The following TRIP13 variants were observed in gnomAD, a reference collection of about 807,000 sequenced individuals.
The protein encoded by TRIP13 is pachytene checkpoint protein 2 homolog.
TRIP13 carries 25 observed loss-of-function variants against 54.4 expected under a neutral mutation model. That is an observed-to-expected ratio of 0.46 (90% CI 0.33 to 0.64). The LOEUF (loss-of-function observed/expected upper bound fraction) is 0.64. Among genes scored for constraint, TRIP13 ranks in the 30% least tolerant of loss-of-function variants. The pLI is 0.02. For missense variants in TRIP13, 373 were observed against 534.2 expected (o/e 0.70, Z 2.97); for synonymous variants, 207 against 207.8 (o/e 1.00, Z 0.03).
rs765536083 is a variant in TRIP13, at chr5:911,814, C to T, written c.867-29C>T. 41 of 1,598,664 alleles carry T rather than the reference C, an allele frequency of 2.6e-5. No individual in the cohort carries two copies. In the Middle Eastern group the frequency reaches 1.0e-3, roughly 39 times the overall value. The stretch of plus-strand genomic sequence containing the variant: ...ATTGGGTCACCGACAGCCGTGATGA[C>T]TGTGGTGCTTGCTTCTCGGCCACAA... On this transcript the variant is annotated intron_variant, in intron 9 of 12. Transcript: ENST00000166345. This position sits in a 1 kb window ranked among gnomAD's most constrained non-coding sequence, Gnocchi z 4.7.
In TRIP13 at chr5:892,910, G is replaced by A. The variant is rs1245922401; in HGVS notation, c.-89G>A. The A allele has an allele frequency of 2.4e-6, 3 of 1,275,398 alleles. No homozygotes were observed. The Admixed American group carries it at 1.0e-4, about 45-fold the overall frequency. The allele number at this position is 1,275,398 out of a possible 1,614,324, so 79.0% of individuals were successfully genotyped here. On this transcript the variant is annotated 5_prime_UTR_variant, in exon 1 of 13. Coordinates refer to ENST00000166345, the MANE Select transcript of TRIP13 (RefSeq NM_004237.4). ...GATTCGAAGCTAGGGCGGGGCCCGCGGGCTGAGGCAGCGGCTGTGGCGGCG... is the reference window on the plus strand; with the variant it reads ...GATTCGAAGCTAGGGCGGGGCCCGCAGGCTGAGGCAGCGGCTGTGGCGGCG...
At position 912,227 on chromosome 5, in the gene TRIP13, C is replaced by T. The variant is rs1754250392; in HGVS notation, c.1020+231C>T. Among the ~76,000 whole-genome samples, 1 of 151,998 alleles carries T rather than the reference C, an allele frequency of 6.6e-6. No individual in the cohort carries two copies. The highest frequency in any genetic ancestry group is 2.4e-5 in the African/African-American group (1 of 41,378). ...TTGGCACAATACAGTCATCATTGTTCATTATTTGAGGTACCAGTCAGTGTA... is the reference window on the plus strand; with the variant it reads ...TTGGCACAATACAGTCATCATTGTTTATTATTTGAGGTACCAGTCAGTGTA... On this transcript the variant is annotated intron_variant, in intron 10 of 12. Transcript: ENST00000166345. The surrounding 1 kb of genome is among the most constrained non-coding windows in gnomAD (Gnocchi z 7.2).
chr5:905,986 C>T (rs1353913769), intron 6 of TRIP13, among the ~76,000 whole-genome samples: 2 of 152,188 alleles, frequency 1.3e-5, no homozygotes, highest in African/African-American at 4.8e-5. Flanking sequence ...GAGGCTGAGG[C>T]AGGTGGATCA....
intron 4 of TRIP13, 70 bp downstream of exon 4, chr5:900,619 A>G (rs1216638821): frequency 1.3e-6 from 2 of 1,556,338 alleles, no homozygotes; most frequent in Non-Finnish European, 1.7e-6. Flanking sequence ...TTGCTCTCCA[A>G]CACCCCTGAG....
rs1372022097 is a variant in TRIP13, at chr5:893,418, G to A, written c.92+328G>A. Among the ~76,000 whole-genome samples the A allele has an allele frequency of 2.6e-5, 4 of 152,336 alleles. No homozygotes were observed. The South Asian group carries it at 6.2e-4, about 24-fold the overall frequency. On this transcript the variant is annotated intron_variant, in intron 1 of 12. Coordinates refer to ENST00000166345, the MANE Select transcript of TRIP13 (RefSeq NM_004237.4). Reference sequence around the variant, plus strand: ...GGCTGTCCTCCAGTGCATTGATGTGGCCCTGAGTCCCACGTTGGAGAATAG... The same window carrying A: ...GGCTGTCCTCCAGTGCATTGATGTGACCCTGAGTCCCACGTTGGAGAATAG...
chr5:908,077 A>G lies in TRIP13; in HGVS notation c.759+3A>G. 6.2e-7 allele frequency: 1 copy of G among 1,614,084 alleles called. No homozygotes were observed. Among genetic ancestry groups the G allele is most frequent in the Non-Finnish European group, 8.5e-7 (1 of 1,179,912 alleles). On this transcript the variant is annotated splice_donor_region_variant and intron_variant, in intron 8 of 12. Transcript: ENST00000166345. This position sits in a 1 kb window ranked among gnomAD's most constrained non-coding sequence, Gnocchi z 5.2. ...TGGTGTTCGTGCTGATTGATGAGGT[A>G]GGCATTTCCAGATAAGGAAATTCAT...
At chr5:903,168 C>T (rs1436139738) in intron 5 of TRIP13, among the ~76,000 whole-genome samples, 1 of 152,028 alleles carries the variant, frequency 6.6e-6, no homozygotes, top group Admixed American at 6.5e-5. Flanking sequence ...TCCCGGTCTG[C>T]TAAGTAGCAG....
At chr5:893,280 C>G (rs563640625) in intron 1 of TRIP13, among the ~76,000 whole-genome samples, 190 bp downstream of exon 1, 1 of 152,094 alleles carries the variant, frequency 6.6e-6, no homozygotes, top group Non-Finnish European at 1.5e-5. Flanking sequence ...CGCGACCCCA[C>G]CGCAGGGCAC....
chr5:912,776 G>T lies in TRIP13; in HGVS notation c.1020+780G>T, dbSNP rs185288730. On this transcript the variant is annotated intron_variant, in intron 10 of 12. Coordinates refer to ENST00000166345, the MANE Select transcript of TRIP13 (RefSeq NM_004237.4). The surrounding 1 kb of genome is among the most constrained non-coding windows in gnomAD (Gnocchi z 7.2). ...GTGTGAGTCAGGCTAGCAGGGACCT[G>T]CCCCATGCTTGTGTTTCTGCTGCTC... Among the ~76,000 whole-genome samples, 284 of 152,348 alleles carry T rather than the reference G, an allele frequency of 1.9e-3. 2 individuals are homozygous for T. Among genetic ancestry groups the T allele is most frequent in the African/African-American group, 6.6e-3 (275 of 41,584 alleles).
chr5:910,293 T>C (rs968533279), intron 9 of TRIP13, among the ~76,000 whole-genome samples: 2 of 152,338 alleles, frequency 1.3e-5, no homozygotes, highest in Admixed American at 1.3e-4. Flanking sequence ...TCCATTCTCC[T>C]GTCTCCCCGG....
chr5:903,054 G>C (rs1754029005), intron 5 of TRIP13, among the ~76,000 whole-genome samples: 1 of 152,190 alleles, frequency 6.6e-6, no homozygotes, highest in Non-Finnish European at 1.5e-5. Flanking sequence ...AGGGAGACAG[G>C]CCTCTGGATG....
intron 6 of TRIP13, among the ~76,000 whole-genome samples, chr5:906,825 T>C (rs1016391448): frequency 1.3e-5 from 2 of 152,170 alleles, no homozygotes; most frequent in Admixed American, 1.3e-4. Context: ...TTTGTTTTGT[T>C]TTCTGTCTTA....
In TRIP13 at chr5:908,603, T is replaced by TTTGGAG; in HGVS notation, c.866+143_866+144insTGGAGT. 6.8e-7 allele frequency: 1 copy of TTTGGAG among 1,480,610 alleles called. No individual in the cohort carries two copies. The highest frequency in any genetic ancestry group is 9.0e-7 in the Non-Finnish European group (1 of 1,114,432). The allele number at this position is 1,480,610 out of a possible 1,614,324, so 91.7% of individuals were successfully genotyped here. On this transcript the variant is annotated intron_variant, in intron 9 of 12. Transcript: ENST00000166345. The surrounding 1 kb of genome is among the most constrained non-coding windows in gnomAD (Gnocchi z 5.2). ...ATTTGGCATTGAGTATCGACTCCTT[T>TTTGGAG]TCCACATTGGAAGCAGCATATCACA...
rs771114299 is a variant in TRIP13, at chr5:914,510, C to T, written c.1066C>T (p.Leu356=). Residue 356 remains leucine (L), a synonymous_variant, in exon 11 of 13, where the codon CTA becomes TTA. Transcript: ENST00000166345. The stretch of plus-strand genomic sequence containing the variant: ...CCAGCAGCTGCTGACCCTCCGAGAG[C>T]TAGAGATGATTGGCTTCATTGAAAA... ...PRQQLLTLRE[L]EMIGFIENNV... 1 of 1,613,578 alleles carries T rather than the reference C, an allele frequency of 6.2e-7. No individual in the cohort carries two copies. The highest frequency in any genetic ancestry group is 8.5e-7 in the Non-Finnish European group (1 of 1,179,968).
At position 917,717 on chromosome 5, in the gene TRIP13, A is replaced by C. The variant is rs1754367244; in HGVS notation, c.*614A>C. The C allele has an allele frequency of 1.3e-5, 2 of 152,268 alleles. No homozygotes were observed. Among genetic ancestry groups the C allele is most frequent in the South Asian group, 4.1e-4 (2 of 4,838 alleles). The allele number at this position is 152,268 out of a possible 1,614,324, so 9.4% of individuals were successfully genotyped here. ...AATAATCAGACATGGTCCCATTTGCAGGAAAAGTGCAGACTCTGAGTGTTC... is the reference window on the plus strand; with the variant it reads ...AATAATCAGACATGGTCCCATTTGCCGGAAAAGTGCAGACTCTGAGTGTTC... On this transcript the variant is annotated 3_prime_UTR_variant, in exon 13 of 13. Coordinates refer to ENST00000166345, the MANE Select transcript of TRIP13 (RefSeq NM_004237.4).
chr5:911,882 C>G lies in TRIP13; in HGVS notation c.906C>G (p.Thr302=), dbSNP rs140779385. 408 of 1,613,776 alleles carry G rather than the reference C, an allele frequency of 2.5e-4. No homozygotes were observed. The African/African-American group carries it at 4.7e-3, about 19-fold the overall frequency. Residue 302 remains threonine, a synonymous_variant, in exon 10 of 13, where the codon ACC becomes ACG. Transcript: ENST00000166345. This position sits in a 1 kb window ranked among gnomAD's most constrained non-coding sequence, Gnocchi z 4.7. ...NVVILTTSNI[T]EKIDVAFVDR... is the part of the protein sequence containing the mutation. ...TGATTCTGACCACTTCTAACATCACCGAGAAGATCGACGTGGCCTTCGTGG... is the reference window on the plus strand; with the variant it reads ...TGATTCTGACCACTTCTAACATCACGGAGAAGATCGACGTGGCCTTCGTGG...
chr5:900,375 A>G lies in TRIP13; in HGVS notation c.389-119A>G, dbSNP rs902587630. 5 of 956,882 alleles carry G rather than the reference A, an allele frequency of 5.2e-6. No individual in the cohort carries two copies. The Admixed American group carries it at 1.4e-4, about 26-fold the overall frequency. The allele number at this position is 956,882 out of a possible 1,614,324, so 59.3% of individuals were successfully genotyped here. On this transcript the variant is annotated intron_variant, in intron 3 of 12. Transcript: ENST00000166345. Reference sequence around the variant, plus strand: ...TTTATACTTTCCTGTAATCAGAATCATAGTCTTGCCTGGAGCAGCACAATG... The same window carrying G: ...TTTATACTTTCCTGTAATCAGAATCGTAGTCTTGCCTGGAGCAGCACAATG...
intron 3 of TRIP13, among the ~76,000 whole-genome samples, chr5:897,158 G>A (rs1753935255): frequency 6.6e-6 from 1 of 151,650 alleles, no homozygotes; most frequent in Non-Finnish European, 1.5e-5. Context: ...CAGTCAGTGT[G>A]TGGGGAAACA....
intron 5 of TRIP13, among the ~76,000 whole-genome samples, chr5:902,309 C>CT (rs1560945797): frequency 6.6e-6 from 1 of 152,140 alleles, no homozygotes; most frequent in Non-Finnish European, 1.5e-5. Context: ...TACTTGGCTT[C>CT]TTTAAGTCAG....
Sources: allele counts gnomAD v4.1 joint callset (sites outside exome capture counted in the v4.1 genomes callset), GRCh38; gene constraint gnomAD v4.1.1; non-coding constraint Gnocchi (gnomAD v3.1); transcripts MANE v1.5; gene names NCBI Gene and HGNC (gene_info 2026-07-23, HGNC 2026-07-21).